WIPI2: variants seen among roughly 807,000 people sequenced by gnomAD.
WIPI2 encodes WD repeat domain phosphoinositide-interacting protein 2.
A neutral mutation model predicts 52.3 loss-of-function variants in WIPI2; 28 were observed. That is an observed-to-expected ratio of 0.54 (90% CI 0.40 to 0.73). WIPI2 has a LOEUF of 0.73. Ranked by LOEUF, WIPI2 falls within the 30% of genes least tolerant of loss-of-function variation. The pLI, the probability that WIPI2 is intolerant of heterozygous loss-of-function variation, is 0.00. For synonymous variants in WIPI2, 268 were observed against 245.0 expected, an observed-to-expected ratio of 1.09 and a Z score of -0.88; for missense variants, 506 against 602.9, an observed-to-expected ratio of 0.84 and a Z score of 1.68.
At chr7:5,208,233 C>G (rs1318169298) in intron 3 of WIPI2, among the ~76,000 whole-genome samples, 2 of 152,028 alleles carry the variant, frequency 1.3e-5, no homozygotes, top group African/African-American at 2.4e-5. Flanking sequence ...CATGTCTGTT[C>G]CAGTCTTTTG....
chr7:5,199,758 A>G (rs1781935826), intron 3 of WIPI2, 100 bp downstream of exon 3: 1 of 1,193,278 alleles, frequency 8.4e-7, no homozygotes, highest in Non-Finnish European at 1.2e-6. Context: ...GTTGAAGTCC[A>G]GACACCCTCT....
At chr7:5,226,170 G>C in intron 9 of WIPI2, 1 of 495,016 alleles carries the variant, frequency 2.0e-6, no homozygotes, top group South Asian at 2.4e-5. Flanking sequence ...CTCGCGTAGG[G>C]CATGGAGGGC....
chr7:5,199,472 C>T (rs575987575), intron 2 of WIPI2, 104 bp from the exon 3 acceptor site: 218 of 895,708 alleles, frequency 2.4e-4, no homozygotes, highest in African/African-American at 1.7e-3. Flanking sequence ...GTGGAGGGCA[C>T]GCGGGGAACT....
rs199550145 is a variant in WIPI2, at chr7:5,214,593, C to T, written c.270C>T (p.Ile90=). 48 of 1,614,116 alleles carry T rather than the reference C, an allele frequency of 3.0e-5. No homozygotes were observed. The highest frequency in any genetic ancestry group is 1.5e-4 in the Admixed American group (9 of 60,002). The change falls in exon 4 of 13, where the codon ATC becomes ATT. Residue 90 remains isoleucine (I), a synonymous_variant. Coordinates refer to ENST00000288828, the MANE Select transcript of WIPI2 (RefSeq NM_015610.4). ...TGTTCTCCAGCAGCCTAGTGGCCAT[C>T]GTCAGCCTTAAAGCACCAAGGAAGC... is the stretch of plus-strand genomic sequence containing the variant. The part of the protein sequence containing the change: ...ERLFSSSLVA[I]VSLKAPRKLK...
intron 3 of WIPI2, among the ~76,000 whole-genome samples, chr7:5,210,699 A>G (rs1310392115): frequency 5.9e-5 from 9 of 152,226 alleles, no homozygotes; most frequent in Admixed American, 5.9e-4. Context: ...ATAAAAATAC[A>G]GTTGATTCTT....
At chr7:5,206,278 C>T (rs1008767487) in intron 3 of WIPI2, among the ~76,000 whole-genome samples, 3 of 152,110 alleles carry the variant, frequency 2.0e-5, no homozygotes, top group Non-Finnish European at 2.9e-5. Flanking sequence ...TGTGTCCTTA[C>T]TTATGTAGAG....
At position 5,232,715 on chromosome 7, in the gene WIPI2, C is replaced by G. The variant is rs10245417; in HGVS notation, c.*1768C>G. ...GACCGTGCACTCCATCTCCTGGGAG[C>G]CACTTTTGGCAAGAGTGAGTGTGGG... On this transcript the variant is annotated 3_prime_UTR_variant, in exon 13 of 13. Transcript: ENST00000288828. 7.7e-3 allele frequency: 1,347 copies of G among 174,572 alleles called. 21 individuals carry two copies. Among genetic ancestry groups the G allele is most frequent in the African/African-American group, 0.015 (626 of 42,346 alleles). The allele number at this position is 174,572 out of a possible 1,614,324, so 10.8% of individuals were successfully genotyped here. A position where few individuals can be genotyped will look rare whatever the true frequency, so the allele number is the denominator to read the frequency against.
intron 9 of WIPI2, 103 bp downstream of exon 9, chr7:5,226,033 C>G (rs1783412915): frequency 8.6e-7 from 1 of 1,168,010 alleles, no homozygotes; most frequent in African/African-American, 1.5e-5. Context: ...CCTCTGACAT[C>G]GTTAGCCAGT....
intron 7 of WIPI2, 158 bp downstream of exon 7, chr7:5,218,172 C>A: frequency 1.5e-6 from 1 of 672,276 alleles, no homozygotes; most frequent in Non-Finnish European, 2.6e-6. Context: ...GCGTGTACTG[C>A]CCGAGAGTGA....
chr7:5,229,653 C>T lies in WIPI2; in HGVS notation c.1167C>T (p.Ala389=). Residue 389 remains alanine, a synonymous_variant, in exon 12 of 13, where the codon GCC becomes GCT. Coordinates refer to ENST00000288828, the MANE Select transcript of WIPI2 (RefSeq NM_015610.4). ...CGACCAATGAGATCTTGGACTCTGC[C>T]TCTCACGACTGCCCCTTAGTCACTC... is the stretch of plus-strand genomic sequence containing the variant. ...LETTNEILDS[A]SHDCPLVTQT... 6.2e-7 allele frequency: 1 copy of T among 1,613,964 alleles called. No individual in the cohort carries two copies. The highest frequency in any genetic ancestry group is 8.5e-7 in the Non-Finnish European group (1 of 1,179,938).
chr7:5,208,699 G>A (rs930290331), intron 3 of WIPI2, among the ~76,000 whole-genome samples: 1 of 152,068 alleles, frequency 6.6e-6, no homozygotes, highest in East Asian at 1.9e-4. Flanking sequence ...TCCTGGGATT[G>A]CTTTGGTGCT....
chr7:5,192,035 C>A (rs1462547452), intron 1 of WIPI2, among the ~76,000 whole-genome samples: 3 of 152,158 alleles, frequency 2.0e-5, no homozygotes, highest in Non-Finnish European at 4.4e-5. Context: ...TTCCAATGTT[C>A]TTTCTGCTCT....
At chr7:5,220,341 C>T (rs1427882553) in intron 7 of WIPI2, among the ~76,000 whole-genome samples, 1 of 151,346 alleles carries the variant, frequency 6.6e-6, no homozygotes, top group Non-Finnish European at 1.5e-5. Flanking sequence ...CTCCCAGGTT[C>T]AAGCAGTTCT....
intron 3 of WIPI2, among the ~76,000 whole-genome samples, chr7:5,212,690 G>A (rs1236146232): frequency 6.6e-6 from 1 of 152,212 alleles, no homozygotes; most frequent in Non-Finnish European, 1.5e-5. Flanking sequence ...GCTAATTTTT[G>A]TATTTTTTGT....
intron 1 of WIPI2, 29 bp from the exon 2 acceptor site, chr7:5,193,089 T>G: frequency 6.2e-7 from 1 of 1,601,900 alleles, no homozygotes; most frequent in Non-Finnish European, 8.5e-7. Flanking sequence ...TACCATTTGT[T>G]TTTTGTTTTG....
chr7:5,192,222 A>G (rs1781518391), intron 1 of WIPI2, among the ~76,000 whole-genome samples: 3 of 152,330 alleles, frequency 2.0e-5, no homozygotes, highest in Middle Eastern at 3.4e-3. Context: ...GGAATAGACT[A>G]TGTTAATCCA....
chr7:5,223,285 C>T (rs1025890407), intron 8 of WIPI2, among the ~76,000 whole-genome samples: 2 of 152,154 alleles, frequency 1.3e-5, no homozygotes, highest in African/African-American at 4.8e-5. Context: ...CACTTTCAGT[C>T]GCATGGCCGT....
At chr7:5,211,748 T>C (rs1373389760) in intron 3 of WIPI2, among the ~76,000 whole-genome samples, 1 of 152,222 alleles carries the variant, frequency 6.6e-6, no homozygotes, top group Non-Finnish European at 1.5e-5. Flanking sequence ...AACCCTGAAG[T>C]TAATGAAGCT....
At position 5,230,709 on chromosome 7, in the gene WIPI2, C is replaced by T. The variant is rs954741744; in HGVS notation, c.1253-126C>T. ...ATTAGAAAGCAATCAGAATTCAGAA[C>T]GTCTTAGTACAGGCTTCAGTTTATA... On this transcript the variant is annotated intron_variant, in intron 12 of 12. Transcript: ENST00000288828. The surrounding 1 kb of genome is among the most constrained non-coding windows in gnomAD (Gnocchi z 4.8). 15 of 561,562 alleles carry T rather than the reference C, an allele frequency of 2.7e-5. No homozygotes were observed. Among genetic ancestry groups the T allele is most frequent in the Non-Finnish European group, 1.8e-5 (6 of 335,854 alleles). The allele number at this position is 561,562 out of a possible 1,614,324, so 34.8% of individuals were successfully genotyped here.
Sources: allele counts gnomAD v4.1 joint callset (sites outside exome capture counted in the v4.1 genomes callset), GRCh38; gene constraint gnomAD v4.1.1; non-coding constraint Gnocchi (gnomAD v3.1); transcripts MANE v1.5; gene names NCBI Gene and HGNC (gene_info 2026-07-23, HGNC 2026-07-21).